PRR14L: variants seen among roughly 807,000 people sequenced by gnomAD.
PRR14L encodes proline rich 14 like, also known as protein PRR14L.
A neutral mutation model predicts 155.0 loss-of-function variants in PRR14L; 80 were observed. The ratio of observed to expected loss-of-function variants is 0.52; its 90% confidence interval spans 0.43 to 0.62. The LOEUF (loss-of-function observed/expected upper bound fraction) is 0.62. Among genes scored for constraint, PRR14L ranks in the 20% least tolerant of loss-of-function variants. PRR14L has a pLI of 0.00. For missense variants in PRR14L, 2,469 were observed against 2,548.0 expected (o/e 0.97, Z 0.67); for synonymous variants, 883 against 916.0 (o/e 0.96, Z 0.65).
Position 31,733,298 on chromosome 22 carries a change from G to GTTT in PRR14L, c.474+5086_474+5088dup, listed in dbSNP as rs1162819822. Among the ~76,000 whole-genome samples, 151 of 64,062 alleles carry GTTT rather than the reference G, an allele frequency of 2.4e-3. 2 individuals are homozygous for GTTT. The highest frequency in any genetic ancestry group is 3.2e-3 in the Non-Finnish European group (119 of 37,748). The allele number at this position is 64,062 out of a possible 152,430, so 42.0% of individuals were successfully genotyped here. On this transcript the variant is annotated intron_variant, in intron 2 of 8. Coordinates refer to ENST00000327423, the MANE Select transcript of PRR14L (RefSeq NM_173566.3). The stretch of plus-strand genomic sequence containing the variant: ...GTGTGAGCCACCGCGCCTGGCCACT[G>GTTT]TTTTTTTTTTTTTTTTTTTTTTTTG...
At chr22:31,736,060 A>AG (rs1245824089) in intron 2 of PRR14L, among the ~76,000 whole-genome samples, 1 of 148,740 alleles carries the variant, frequency 6.7e-6, no homozygotes, top group Non-Finnish European at 1.5e-5. Context: ...CTCAAAAAAA[A>AG]AAAAAAAAAT....
intron 7 of PRR14L, among the ~76,000 whole-genome samples, chr22:31,688,514 G>A (rs556708138): frequency 4.0e-5 from 6 of 151,534 alleles, no homozygotes; most frequent in African/African-American, 7.3e-5. Flanking sequence ...TATCCTTTTC[G>A]TTTGCTCCAA....
rs779367563 is a variant in PRR14L, at chr22:31,715,103, T to C, written c.2736A>G (p.Lys912=). The stretch of plus-strand genomic sequence containing the variant: ...TGTTATACTTACAAAATACAGTTTC[T>C]TTGGATACATCCTGCTCCTTTCCTT... ...GLEGKEQDVS[K]ETVFCKYNIS... The change falls in exon 4 of 9, where the codon AAA becomes AAG. Residue 912 remains lysine (K), a synonymous_variant. Transcript: ENST00000327423. 6.4e-7 allele frequency: 1 copy of C among 1,551,758 alleles called. No homozygotes were observed. The highest frequency in any genetic ancestry group is 1.4e-5 in the African/African-American group (1 of 73,078).
At chr22:31,734,825 T>G (rs2074769784) in intron 2 of PRR14L, among the ~76,000 whole-genome samples, 1 of 152,206 alleles carries the variant, frequency 6.6e-6, no homozygotes, top group Admixed American at 6.5e-5. Context: ...AGTATAATAC[T>G]CTAGCTGTGG....
intron 2 of PRR14L, among the ~76,000 whole-genome samples, chr22:31,734,403 T>C (rs766659434): frequency 2.0e-5 from 3 of 152,234 alleles, no homozygotes; most frequent in Non-Finnish European, 4.4e-5. Context: ...CAGCTGTCTT[T>C]TGACTGTGGG....
Position 31,714,886 on chromosome 22 carries a change from C to A in PRR14L, c.2953G>T (p.Glu985Ter), listed in dbSNP as rs760580187. The A allele has an allele frequency of 6.4e-7, 1 of 1,551,968 alleles. No individual in the cohort carries two copies. The highest frequency in any genetic ancestry group is 8.7e-7 in the Non-Finnish European group (1 of 1,147,052). Residue 985 changes from glutamate to a stop codon, truncating the protein, a stop_gained, in exon 4 of 9, where the codon GAA becomes TAA. Coordinates refer to ENST00000327423, the MANE Select transcript of PRR14L (RefSeq NM_173566.3). LOFTEE classifies it high-confidence loss of function. ...AGCATCTCCTTGGCTGACTGACCTT[C>A]ACTTTTGCATTCATCTGGTCTGTTT... ...NQNRPDECKS[E>*]GQSAKEMLSS...
intron 2 of PRR14L, among the ~76,000 whole-genome samples, chr22:31,736,600 G>C (rs2074783074): frequency 6.6e-6 from 1 of 152,178 alleles, no homozygotes; most frequent in South Asian, 2.1e-4. Context: ...CTGATGGTGG[G>C]TCTAGAGCAG....
Position 31,717,194 on chromosome 22 carries a change from G to C in PRR14L, c.645C>G (p.His215Gln). The change falls in exon 4 of 9, where the codon CAC becomes CAG. Residue 215 changes from histidine (H) to glutamine (Q), a missense_variant. His to Gln is a conservative substitution (Grantham distance 24, BLOSUM62 0). Coordinates refer to ENST00000327423, the MANE Select transcript of PRR14L (RefSeq NM_173566.3). ...GATCTTTACTCACATTGCCATTTTTGTGTCCTTCATTATTATCCGTCTTAG... is the reference window on the plus strand; with the variant it reads ...GATCTTTACTCACATTGCCATTTTTCTGTCCTTCATTATTATCCGTCTTAG... ...NGTKTDNNEG[H>Q]KNGNVSKDLS... is the part of the protein sequence containing the mutation. 6.4e-7 allele frequency: 1 copy of C among 1,552,120 alleles called. No homozygotes were observed. The highest frequency in any genetic ancestry group is 8.7e-7 in the Non-Finnish European group (1 of 1,147,096).
intron 2 of PRR14L, among the ~76,000 whole-genome samples, chr22:31,735,766 T>C (rs961011488): frequency 6.6e-6 from 1 of 151,876 alleles, no homozygotes; most frequent in East Asian, 1.9e-4. Context: ...AGATAGGGCA[T>C]TGGCCGGGCG....
In PRR14L at chr22:31,704,653, A is replaced by G; in HGVS notation, c.5828+2T>C. ...CACACACGCTGAGTCTCATGTGCTTACCTCGTCTGACTGCCGCTGGTGTTA... is the reference window on the plus strand; with the variant it reads ...CACACACGCTGAGTCTCATGTGCTTGCCTCGTCTGACTGCCGCTGGTGTTA... On this transcript the variant is annotated splice_donor_variant, in intron 5 of 8. Transcript: ENST00000327423. LOFTEE classifies it high-confidence loss of function. 6.2e-7 allele frequency: 1 copy of G among 1,613,324 alleles called. No individual in the cohort carries two copies. The highest frequency in any genetic ancestry group is 8.5e-7 in the Non-Finnish European group (1 of 1,179,438).
chr22:31,695,722 G>C (rs1157538829), intron 7 of PRR14L, among the ~76,000 whole-genome samples: 1 of 152,076 alleles, frequency 6.6e-6, no homozygotes, highest in East Asian at 1.9e-4. Context: ...TGCTTGCCCA[G>C]CTCTGGCCTC....
chr22:31,733,922 A>ACG (rs1491300838), intron 2 of PRR14L, among the ~76,000 whole-genome samples: 1 of 151,668 alleles, frequency 6.6e-6, no homozygotes, highest in Admixed American at 6.6e-5. Flanking sequence ...ACACACACAC[A>ACG]TACACCACAC....
intron 8 of PRR14L, among the ~76,000 whole-genome samples, chr22:31,687,497 G>A (rs2147850767): frequency 6.6e-6 from 1 of 151,666 alleles, no homozygotes; most frequent in Non-Finnish European, 1.5e-5. Context: ...GGGATTACAG[G>A]TGTGAGCCAC....
rs2074460458 is a variant in PRR14L, at chr22:31,682,621, G to C, written c.*2906C>G. On this transcript the variant is annotated 3_prime_UTR_variant, in exon 9 of 9. Coordinates refer to ENST00000327423, the MANE Select transcript of PRR14L (RefSeq NM_173566.3). ...AAAAAACAAAAAACAAAACACAGTT[G>C]AAAGTTTCAGTGAAAAGCTGATGGG... The C allele has an allele frequency of 6.6e-6, 1 of 152,170 alleles. No individual in the cohort carries two copies. Among genetic ancestry groups the C allele is most frequent in the South Asian group, 2.1e-4 (1 of 4,834 alleles). 9.4% of individuals were successfully genotyped at this position (152,170 alleles called of 1,614,324 possible). A position where few individuals can be genotyped will look rare whatever the true frequency, so the allele number is the denominator to read the frequency against.
intron 5 of PRR14L, 168 bp downstream of exon 5, chr22:31,704,487 G>C (rs1250859491): frequency 1.8e-5 from 8 of 446,718 alleles, no homozygotes; most frequent in African/African-American, 4.0e-5. Context: ...GCTTGTAATA[G>C]AACAGATTTC....
chr22:31,704,626 C>T, intron 5 of PRR14L, 29 bp downstream of exon 5: 1 of 1,591,564 alleles, frequency 6.3e-7, no homozygotes, highest in Non-Finnish European at 8.6e-7. Context: ...CGCACACGCG[C>T]ACACACACGC....
Position 31,738,788 on chromosome 22 carries a change from A to T in PRR14L, c.73T>A (p.Tyr25Asn). Residue 25 changes from tyrosine to asparagine, a missense_variant, in exon 2 of 9, where the codon TAC (tyrosine) becomes AAC (asparagine). Tyr to Asn is a moderately radical substitution (Grantham distance 143). Coordinates refer to ENST00000327423, the MANE Select transcript of PRR14L (RefSeq NM_173566.3). ...GAGACACTTACTGGGAGTTCAGAGT[A>T]TAATTCCTGTACCACGGCAGACATG... ...SSMSAVVQEL[Y>N]SELPVSVSRE... is the part of the protein sequence containing the mutation. 1.3e-6 allele frequency: 2 copies of T among 1,551,644 alleles called. No individual in the cohort carries two copies. Among genetic ancestry groups the T allele is most frequent in the Non-Finnish European group, 1.7e-6 (2 of 1,147,084 alleles).
chr22:31,723,500 TGAAAA>T (rs1341980053), intron 3 of PRR14L, among the ~76,000 whole-genome samples: 1 of 152,048 alleles, frequency 6.6e-6, no homozygotes, highest in Non-Finnish European at 1.5e-5. Context: ...AAGATGTGGG[TGAAAA>T]TATACCAAAG....
At chr22:31,719,739 C>CTT (rs131229) in intron 3 of PRR14L, among the ~76,000 whole-genome samples, 5 of 143,476 alleles carry the variant, frequency 3.5e-5, no homozygotes, top group Non-Finnish European at 3.1e-5. Context: ...CTCTGTGACA[C>CTT]TTTTTTTTTT....
Sources: gnomAD v4.1 joint callset for allele counts (sites outside exome capture counted in the v4.1 genomes callset) on GRCh38, gnomAD v4.1.1 for gene constraint, MANE v1.5 for transcripts, NCBI Gene and HGNC (gene_info 2026-07-23, HGNC 2026-07-21) for gene names.